The following FHIT variants were observed in gnomAD, a reference collection of about 807,000 sequenced individuals.
The protein encoded by FHIT is fragile histidine triad diadenosine triphosphatase.
Under a neutral mutation model 17.9 loss-of-function variants are expected in FHIT, and 19 were observed. The ratio of observed to expected loss-of-function variants is 1.06; its 90% CI spans 0.74 to 1.56. The LOEUF (loss-of-function observed/expected upper bound fraction) is 1.56. FHIT is among the 40% of genes most tolerant of loss of function. The pLI is 0.00. For missense variants in FHIT, 248 were observed against 189.2 expected (o/e 1.31, Z -1.82); for synonymous variants, 81 against 69.7 (o/e 1.16, Z -0.81).
At chr3:60,543,895 C>G (rs1411704383) in intron 4 of FHIT, among the ~76,000 whole-genome samples, 2 of 146,558 alleles carry the variant, frequency 1.4e-5, no homozygotes, top group East Asian at 2.0e-4. Context: ...CAAGCGCCCG[C>G]ACCACGCCCG....
At chr3:59,947,803 T>C (rs1303082142) in intron 7 of FHIT, among the ~76,000 whole-genome samples, 1 of 152,214 alleles carries the variant, frequency 6.6e-6, no homozygotes, top group Non-Finnish European at 1.5e-5. Flanking sequence ...GGCAGCAGGA[T>C]CCATGCTTAC....
intron 4 of FHIT, among the ~76,000 whole-genome samples, chr3:60,707,773 G>C (rs1275017160): frequency 2.0e-5 from 3 of 152,198 alleles, no homozygotes; most frequent in East Asian, 1.9e-4. Context: ...AATGCAGAGA[G>C]AGAAGCACTC....
chr3:59,986,789 T>TATTTATATAATATATTTATA, intron 7 of FHIT, among the ~76,000 whole-genome samples: 2 of 1,746 alleles, frequency 1.1e-3, no homozygotes, highest in Non-Finnish European at 1.7e-3. Context: ...TAAATATATA[T>TATTTATATAATATATTTATA]ATATAAATAT....
chr3:60,199,917 T>G (rs1218160202), intron 5 of FHIT, among the ~76,000 whole-genome samples: 1 of 152,134 alleles, frequency 6.6e-6, no homozygotes, highest in Non-Finnish European at 1.5e-5. Context: ...GTATACAATA[T>G]AACTCCATTG....
At chr3:60,598,608 C>A (rs2038344992) in intron 4 of FHIT, among the ~76,000 whole-genome samples, 1 of 152,116 alleles carries the variant, frequency 6.6e-6, no homozygotes, top group South Asian at 2.1e-4. Flanking sequence ...TATCACACTG[C>A]TAGCAAGTAA....
intron 3 of FHIT, among the ~76,000 whole-genome samples, chr3:60,942,607 G>C (rs959723008): frequency 2.5e-4 from 38 of 151,728 alleles, no homozygotes; most frequent in African/African-American, 8.5e-4. Flanking sequence ...AGTTGATCAA[G>C]TTTGACAAGT....
At chr3:60,996,806 C>G (rs1261860291) in intron 3 of FHIT, among the ~76,000 whole-genome samples, 1 of 152,112 alleles carries the variant, frequency 6.6e-6, no homozygotes, top group Non-Finnish European at 1.5e-5. Flanking sequence ...TTTCACACAC[C>G]ACTATGCCTG....
chr3:61,141,079 A>G (rs2886260), intron 2 of FHIT, among the ~76,000 whole-genome samples: 41,481 of 151,928 alleles, frequency 0.27, 6,010 homozygotes, highest in East Asian at 0.45. Flanking sequence ...CACCCAGAAC[A>G]CTTGGCACAG....
At chr3:60,547,769 T>G (rs1347225437) in intron 4 of FHIT, among the ~76,000 whole-genome samples, 1 of 152,010 alleles carries the variant, frequency 6.6e-6, no homozygotes, top group Non-Finnish European at 1.5e-5. Flanking sequence ...CTACTATCCT[T>G]TTGTGTGTGA....
At chr3:60,667,021 A>ATTTTTTTTTT (rs56071877) in intron 4 of FHIT, among the ~76,000 whole-genome samples, 8 of 34,096 alleles carry the variant, frequency 2.3e-4, no homozygotes, top group African/African-American at 8.2e-4. Flanking sequence ...TGCCTGGTTA[A>ATTTTTTTTTT]TTTTTTTTTT....
In FHIT at chr3:60,325,526, T is replaced by A. The variant is rs572044625; in HGVS notation, c.103+211334A>T. On this transcript the variant is annotated intron_variant, in intron 5 of 9. Coordinates refer to ENST00000492590, the MANE Select transcript of FHIT (RefSeq NM_002012.4). ...AAAGCTACAGAGCAATAATCTAGCATCTAGAAATGCCTTCAGAGTTGGGTT... is the reference window on the plus strand; with the variant it reads ...AAAGCTACAGAGCAATAATCTAGCAACTAGAAATGCCTTCAGAGTTGGGTT... Among the ~76,000 whole-genome samples, 5 of 152,380 alleles carry A rather than the reference T, an allele frequency of 3.3e-5. 1 individual carries two copies. The South Asian group carries it at 1.0e-3, about 32-fold the overall frequency.
At chr3:59,925,606 T>A (rs1415854520) in intron 7 of FHIT, among the ~76,000 whole-genome samples, 1 of 152,158 alleles carries the variant, frequency 6.6e-6, no homozygotes, top group African/African-American at 2.4e-5. Context: ...TTCAGGGCTA[T>A]CTCTATAGGC....
intron 4 of FHIT, among the ~76,000 whole-genome samples, chr3:60,776,585 G>C (rs1156764472): frequency 6.6e-6 from 1 of 152,164 alleles, no homozygotes; most frequent in Non-Finnish European, 1.5e-5. Flanking sequence ...TGACTTGCCA[G>C]CTTCACAACT....
intron 2 of FHIT, among the ~76,000 whole-genome samples, chr3:61,157,408 A>G (rs2037563692): frequency 6.6e-6 from 1 of 152,178 alleles, no homozygotes; most frequent in African/African-American, 2.4e-5. Context: ...ACTTGAGCAC[A>G]TATGTCAAAC....
At chr3:60,663,119 T>C (rs1265078296) in intron 4 of FHIT, among the ~76,000 whole-genome samples, 1 of 136,296 alleles carries the variant, frequency 7.3e-6, no homozygotes, top group East Asian at 2.3e-4. Context: ...GTTGGTTTGA[T>C]TACTATAGCT....
intron 7 of FHIT, among the ~76,000 whole-genome samples, chr3:59,961,006 C>A (rs930769764): frequency 6.6e-6 from 1 of 152,206 alleles, no homozygotes; most frequent in Middle Eastern, 3.2e-3. Flanking sequence ...ATTCTTGATT[C>A]ATTCATTTCG....
At chr3:60,806,499 C>T (rs1238362891) in intron 4 of FHIT, among the ~76,000 whole-genome samples, 1 of 152,236 alleles carries the variant, frequency 6.6e-6, no homozygotes, top group Non-Finnish European at 1.5e-5. Context: ...TCAGCATACA[C>T]TATTTGTACT....
At chr3:61,023,520 G>C (rs1205879482) in intron 3 of FHIT, among the ~76,000 whole-genome samples, 1 of 152,086 alleles carries the variant, frequency 6.6e-6, no homozygotes, top group African/African-American at 2.4e-5. Context: ...CCAAAAAAGA[G>C]CTCATATAGT....
intron 4 of FHIT, among the ~76,000 whole-genome samples, chr3:60,694,652 C>T (rs1239798996): frequency 2.0e-5 from 3 of 152,080 alleles, no homozygotes; most frequent in East Asian, 1.9e-4. Flanking sequence ...TAGCAAAGAC[C>T]TGGAACCAAC....
Sources: gnomAD v4.1 joint callset for allele counts (sites outside exome capture counted in the v4.1 genomes callset) on GRCh38, gnomAD v4.1.1 for gene constraint, MANE v1.5 for transcripts, NCBI Gene and HGNC (gene_info 2026-07-23, HGNC 2026-07-21) for gene names.